ZFAND4: variants seen among roughly 807,000 people sequenced by gnomAD.
The protein encoded by ZFAND4 is AN1-type zinc finger protein 4.
In ZFAND4, 43 loss-of-function variants were observed where a neutral mutation model predicts 64.4. The ratio of observed to expected loss-of-function variants is 0.67; its 90% CI spans 0.52 to 0.86. The LOEUF (loss-of-function observed/expected upper bound fraction) is 0.86. ZFAND4 is among the 40% of genes least tolerant of loss of function. The pLI is 0.00. For missense variants in ZFAND4, 929 were observed against 859.8 expected (o/e 1.08, Z -1.01); for synonymous variants, 296 against 305.7 (o/e 0.97, Z 0.33).
Position 45,616,361 on chromosome 10 carries a change from A to G in ZFAND4, c.*75T>C, listed in dbSNP as rs1394806354. On this transcript the variant is annotated 3_prime_UTR_variant, in exon 10 of 10. Coordinates refer to ENST00000344646, the MANE Select transcript of ZFAND4 (RefSeq NM_174890.4). Reference sequence around the variant, plus strand: ...GCAAATCTTTTAGAGTCGAACAAAAATAATAGTCTAAACAACATTTCTTCT... The same window carrying G: ...GCAAATCTTTTAGAGTCGAACAAAAGTAATAGTCTAAACAACATTTCTTCT... 1 of 1,554,656 alleles carries G rather than the reference A, an allele frequency of 6.4e-7. No individual in the cohort carries two copies. Among genetic ancestry groups the G allele is most frequent in the African/African-American group, 1.4e-5 (1 of 72,642 alleles).
chr10:45,626,145 G>A lies in ZFAND4; in HGVS notation c.1678C>T (p.Pro560Ser), dbSNP rs1365959565. 6.2e-7 allele frequency: 1 copy of A among 1,614,100 alleles called. No individual in the cohort carries two copies. The highest frequency in any genetic ancestry group is 2.2e-5 in the East Asian group (1 of 44,878). ...TEMTNKASKEPVGCVNNISFL... is the reference protein window; with the variant it reads ...TEMTNKASKESVGCVNNISFL... ...CTGATATTATTTACACAACCAACAG[G>A]CTCTTTGGAAGCCTTGTTAGTCATT... The change falls in exon 7 of 10, where the codon CCT (proline) becomes TCT (serine). Residue 560 changes from proline (P) to serine (S), a missense_variant. Physicochemically the swap from Pro to Ser is moderately conservative, Grantham distance 74 (BLOSUM62 -1). Coordinates refer to ENST00000344646, the MANE Select transcript of ZFAND4 (RefSeq NM_174890.4).
chr10:45,663,493 G>C, intron 2 of ZFAND4, 49 bp downstream of exon 2: 1 of 1,423,552 alleles, frequency 7.0e-7, no homozygotes, highest in Non-Finnish European at 9.5e-7. Flanking sequence ...AGACATTATT[G>C]ATGAACAAAT....
intron 2 of ZFAND4, among the ~76,000 whole-genome samples, chr10:45,662,371 C>T (rs1266208939): frequency 6.6e-6 from 1 of 152,144 alleles, no homozygotes; most frequent in South Asian, 2.1e-4. Flanking sequence ...GTTGACTCTT[C>T]TGACATAAAA....
intron 5 of ZFAND4, among the ~76,000 whole-genome samples, chr10:45,645,506 A>G (rs1359273747): frequency 6.6e-6 from 1 of 152,206 alleles, no homozygotes; most frequent in Non-Finnish European, 1.5e-5. Flanking sequence ...ACTATTACAA[A>G]CACTTTTTAA....
intron 5 of ZFAND4, among the ~76,000 whole-genome samples, chr10:45,645,069 C>T (rs1300837866): frequency 6.7e-6 from 1 of 149,480 alleles, no homozygotes; most frequent in Non-Finnish European, 1.5e-5. Context: ...GCAACCTCCA[C>T]CTCTTGGGCT....
In ZFAND4 at chr10:45,669,326, A is replaced by G. The variant is rs1022265671; in HGVS notation, c.-118+2924T>C. 2.0e-5 allele frequency among the ~76,000 whole-genome samples: 3 copies of G among 152,348 alleles called. No individual in the cohort carries two copies. In the East Asian group the frequency reaches 5.8e-4, roughly 29 times the overall value. On this transcript the variant is annotated intron_variant, in intron 1 of 9. Coordinates refer to ENST00000344646, the MANE Select transcript of ZFAND4 (RefSeq NM_174890.4). ...GACACATATACCTTCCCAGGACTAA[A>G]CCAGGAAGAAGTGGAATCTCTGAAG...
chr10:45,666,680 T>A (rs545295173), intron 1 of ZFAND4, among the ~76,000 whole-genome samples: 1 of 152,366 alleles, frequency 6.6e-6, no homozygotes, highest in East Asian at 1.9e-4. Flanking sequence ...CAATTTCAAT[T>A]TAGTTTTGTG....
At chr10:45,642,860 T>C (rs1194576885) in intron 5 of ZFAND4, among the ~76,000 whole-genome samples, 1 of 151,136 alleles carries the variant, frequency 6.6e-6, no homozygotes, top group Non-Finnish European at 1.5e-5. Flanking sequence ...AATATAACAT[T>C]TCCTTGAATT....
chr10:45,648,491 A>T lies in ZFAND4; in HGVS notation c.372T>A (p.Asp124Glu), dbSNP rs2047543632. 2.5e-6 allele frequency: 4 copies of T among 1,613,648 alleles called. No individual in the cohort carries two copies. The African/African-American group carries it at 5.3e-5, about 22-fold the overall frequency. Residue 124 changes from aspartate to glutamate, a missense_variant, in exon 5 of 10, where the codon GAT (aspartate) becomes GAA (glutamate). By Grantham distance (45) the Asp-to-Glu change is conservative. Transcript: ENST00000344646. The stretch of plus-strand genomic sequence containing the variant: ...TCTCCCAGACCTCAACTCGACTGGA[A>T]TCCAAGTACTCTGCCATCTTCCTAA... Reference protein sequence around the residue: ...DPLRKMAEYLDSSRVEVWEKT... With the variant: ...DPLRKMAEYLESSRVEVWEKT...
chr10:45,633,651 T>TAA (rs908654021), intron 6 of ZFAND4, among the ~76,000 whole-genome samples: 1 of 145,422 alleles, frequency 6.9e-6, no homozygotes, highest in South Asian at 2.2e-4. Context: ...AAATTTTCTT[T>TAA]AAAAAAAAAA....
intron 6 of ZFAND4, among the ~76,000 whole-genome samples, chr10:45,634,955 T>C (rs2046451194): frequency 3.3e-5 from 5 of 151,374 alleles, no homozygotes; most frequent in Admixed American, 3.3e-4. Context: ...TCTAAAAAAG[T>C]GAAAGATCTC....
intron 2 of ZFAND4, among the ~76,000 whole-genome samples, chr10:45,661,949 A>G (rs1372551574): frequency 6.6e-6 from 1 of 151,894 alleles, no homozygotes; most frequent in Non-Finnish European, 1.5e-5. Context: ...AAGAAAAAAA[A>G]AAAAAAAAAG....
At chr10:45,621,119 C>T (rs913535413) in intron 8 of ZFAND4, among the ~76,000 whole-genome samples, 6 of 152,140 alleles carry the variant, frequency 3.9e-5, no homozygotes, top group African/African-American at 4.8e-5. Flanking sequence ...GTGTTCCAGA[C>T]GCAAGGCTGG....
chr10:45,625,300 A>G (rs142888353), intron 7 of ZFAND4, among the ~76,000 whole-genome samples: 9,117 of 149,466 alleles, frequency 0.061, 403 homozygotes, highest in African/African-American at 0.12. Context: ...GTGAAACCCC[A>G]TCTCTACTAA....
chr10:45,637,353 A>AG (rs1238886412), intron 6 of ZFAND4, among the ~76,000 whole-genome samples: 1 of 151,916 alleles, frequency 6.6e-6, no homozygotes, highest in East Asian at 1.9e-4. Context: ...AAAAAAAAAA[A>AG]AAAAAATTTC....
rs1260076747 is a variant in ZFAND4, at chr10:45,639,863, T to C, written c.670A>G (p.Met224Val). ...IIENSITMNK[M>V]KLLKAKMKNM... ...TTCATCTTAGCCTTCAGCAGCTTCA[T>C]CTTATTCATAGTTATTGAATTTTCA... is the stretch of plus-strand genomic sequence containing the variant. The change falls in exon 6 of 10, where the codon ATG becomes GTG. Residue 224 changes from methionine (M) to valine (V), a missense_variant. By Grantham distance (21) the Met-to-Val change is conservative. Coordinates refer to ENST00000344646, the MANE Select transcript of ZFAND4 (RefSeq NM_174890.4). 1.9e-6 allele frequency: 3 copies of C among 1,613,016 alleles called. No homozygotes were observed. Among genetic ancestry groups the C allele is most frequent in the Non-Finnish European group, 2.5e-6 (3 of 1,179,808 alleles).
At chr10:45,635,221 AAAACAAAC>A (rs1475045511) in intron 6 of ZFAND4, among the ~76,000 whole-genome samples, 10 of 139,058 alleles carry the variant, frequency 7.2e-5, no homozygotes, top group African/African-American at 2.3e-4. Flanking sequence ...AAACAAAAAA[AAAACAAAC>A]AAAAAAAAAC....
intron 1 of ZFAND4, among the ~76,000 whole-genome samples, chr10:45,669,649 G>A (rs1035106531): frequency 4.6e-5 from 7 of 152,132 alleles, no homozygotes; most frequent in African/African-American, 1.4e-4. Flanking sequence ...CTGGCACACC[G>A]AATCCAGCAG....
In ZFAND4 at chr10:45,648,415, G is replaced by C; in HGVS notation, c.448C>G (p.Gln150Glu). ...TCTACTGCAGGAAAGAAATTCAATT[G>C]ATCTCCTTCTTGGTATACCAAAAAT... Reference protein sequence around the residue: ...VTFLVYQEGDQLNFFPAVDRG... With the variant: ...VTFLVYQEGDELNFFPAVDRG... Residue 150 changes from glutamine (Q) to glutamate (E), a missense_variant, in exon 5 of 10, where the codon CAA becomes GAA. Transcript: ENST00000344646. The C allele has an allele frequency of 6.2e-7, 1 of 1,613,962 alleles. No homozygotes were observed. Among genetic ancestry groups the C allele is most frequent in the Admixed American group, 1.7e-5 (1 of 59,990 alleles).
Sources: gnomAD v4.1 joint callset for allele counts (sites outside exome capture counted in the v4.1 genomes callset) on GRCh38, gnomAD v4.1.1 for gene constraint, MANE v1.5 for transcripts, NCBI Gene and HGNC (gene_info 2026-07-23, HGNC 2026-07-21) for gene names.